Variants in USH2A observed in about 807,000 individuals in gnomAD.
USH2A encodes usherin, also known as Usher syndrome 2A (autosomal recessive, mild).
In USH2A, 443 loss-of-function variants were observed where a neutral mutation model predicts 538.9. That is an observed-to-expected ratio of 0.82 (90% CI 0.76 to 0.89). USH2A has a LOEUF of 0.89. Ranked by LOEUF, USH2A falls within the 40% of genes least tolerant of loss-of-function variation. The pLI is 0.00. For synonymous variants in USH2A, 2,413 were observed against 2,273.5 expected (o/e 1.06, Z -1.75); for missense variants, 6,633 against 6,324.8 (o/e 1.05, Z -1.65).
At chr1:215,703,210 G>A (rs953004877) in intron 61 of USH2A, among the ~76,000 whole-genome samples, 9 of 152,122 alleles carry the variant, frequency 5.9e-5, no homozygotes, top group South Asian at 2.1e-4. Flanking sequence ...GGCACCTGCC[G>A]GATGCCAGCT....
At chr1:215,764,799 T>C (rs1443193983) in intron 56 of USH2A, among the ~76,000 whole-genome samples, 2 of 152,138 alleles carry the variant, frequency 1.3e-5, no homozygotes, top group African/African-American at 2.4e-5. Flanking sequence ...ATGTGATTGC[T>C]AAGGTGTTCC....
intron 67 of USH2A, among the ~76,000 whole-genome samples, chr1:215,643,226 G>C (rs1045554248): frequency 2.0e-5 from 3 of 152,088 alleles, no homozygotes; most frequent in African/African-American, 7.2e-5. Flanking sequence ...TCAAACTCCT[G>C]ACGTCAAGTG....
intron 55 of USH2A, 112 bp downstream of exon 55, chr1:215,779,731 C>CCATAT: frequency 7.8e-7 from 1 of 1,288,478 alleles, no homozygotes; most frequent in Admixed American, 2.0e-5. Flanking sequence ...CAAGAGAACA[C>CCATAT]GTCCTTTCGA....
chr1:216,407,242 CATGTA>C (rs1558074891), intron 3 of USH2A, among the ~76,000 whole-genome samples: 1 of 152,044 alleles, frequency 6.6e-6, no homozygotes, highest in African/African-American at 2.4e-5. Context: ...AGAAGTATGT[CATGTA>C]ATCATTAGAG....
intron 32 of USH2A, among the ~76,000 whole-genome samples, chr1:216,038,730 T>C (rs1169257308): frequency 6.6e-6 from 1 of 151,998 alleles, no homozygotes; most frequent in Non-Finnish European, 1.5e-5. Flanking sequence ...TGTATTAATT[T>C]ATAACTCAAT....
chr1:215,845,657 T>C (rs1191386904), intron 45 of USH2A, among the ~76,000 whole-genome samples, 167 bp downstream of exon 45: 1 of 152,198 alleles, frequency 6.6e-6, no homozygotes, highest in Admixed American at 6.5e-5. Flanking sequence ...GGACTGCTTA[T>C]TGATCTGCTA....
At chr1:215,671,414 A>G in intron 63 of USH2A, 121 bp from the exon 64 acceptor site, 1 of 1,053,088 alleles carries the variant, frequency 9.5e-7, no homozygotes, top group Non-Finnish European at 1.4e-6. Context: ...ATTCACAGCT[A>G]ATTCTTAAGA....
intron 4 of USH2A, among the ~76,000 whole-genome samples, chr1:216,338,491 T>C (rs546594611): frequency 1.8e-4 from 28 of 151,482 alleles, no homozygotes; most frequent in Non-Finnish European, 1.2e-4. Flanking sequence ...ATATATATCA[T>C]GATAAAAGAG....
rs760251397 is a variant in USH2A at position 215,980,678 on chromosome 1, C to T, written c.6806-9902G>A. On this transcript the variant is annotated intron_variant, in intron 35 of 71. Transcript: ENST00000307340. Reference sequence around the variant, plus strand: ...CCCTTAACAACATAATTAAGTTTCTCATGGTTTTCTAACTTATATTAATAG... The same window carrying T: ...CCCTTAACAACATAATTAAGTTTCTTATGGTTTTCTAACTTATATTAATAG... Among the ~76,000 whole-genome samples, 3 of 151,996 alleles carry T rather than the reference C, an allele frequency of 2.0e-5. No individual in the cohort carries two copies. In the South Asian group the frequency reaches 6.2e-4, roughly 32 times the overall value.
chr1:216,417,481 G>A (rs1449788122), intron 3 of USH2A, among the ~76,000 whole-genome samples: 1 of 152,002 alleles, frequency 6.6e-6, no homozygotes, highest in Non-Finnish European at 1.5e-5. Flanking sequence ...CCCAGCTTTG[G>A]TGGTGGGGCC....
At chr1:215,812,141 G>A (rs1300614254) in intron 49 of USH2A, among the ~76,000 whole-genome samples, 1 of 150,100 alleles carries the variant, frequency 6.7e-6, no homozygotes, top group African/African-American at 2.4e-5. Context: ...CCTGCCACAC[G>A]CCCAGTTAAT....
At chr1:216,336,543 C>T (rs1031627837) in intron 4 of USH2A, among the ~76,000 whole-genome samples, 2 of 151,452 alleles carry the variant, frequency 1.3e-5, no homozygotes, top group Admixed American at 1.3e-4. Context: ...TTGCAAGTTG[C>T]AATATCAATA....
intron 63 of USH2A, 150 bp downstream of exon 63, chr1:215,673,950 T>G: frequency 7.4e-7 from 1 of 1,356,042 alleles, no homozygotes. Flanking sequence ...GGTGAGGATG[T>G]GCTTTGTCTA....
chr1:216,324,127 CCAAT>C lies in USH2A; in HGVS notation c.1328+37_1328+40del, dbSNP rs145313346. 0.052 allele frequency: 82,664 copies of C among 1,585,440 alleles called. 2,443 individuals carry two copies. Among genetic ancestry groups the C allele is most frequent in the Middle Eastern group, 0.11 (655 of 5,922 alleles). On this transcript the variant is annotated intron_variant, in intron 7 of 71. Coordinates refer to ENST00000307340, the MANE Select transcript of USH2A (RefSeq NM_206933.4). Reference sequence around the variant, plus strand: ...TAGCATACTTGTACATTATTAATAACCAATCAGTCTATTAAATTAATTGTTTAAA... The same window carrying C: ...TAGCATACTTGTACATTATTAATAACCAGTCTATTAAATTAATTGTTTAAA...
At chr1:216,300,642 G>A (rs1256039049) in intron 9 of USH2A, among the ~76,000 whole-genome samples, 3 of 150,802 alleles carry the variant, frequency 2.0e-5, no homozygotes, top group Non-Finnish European at 4.4e-5. Context: ...GAAGTATAGT[G>A]TTTCTTCGTT....
At chr1:215,718,494 T>C (rs996394191) in intron 61 of USH2A, among the ~76,000 whole-genome samples, 2 of 152,202 alleles carry the variant, frequency 1.3e-5, no homozygotes, top group African/African-American at 2.4e-5. Flanking sequence ...ATGTTAATGG[T>C]CTTTCAACTT....
intron 40 of USH2A, among the ~76,000 whole-genome samples, chr1:215,895,043 T>G (rs556280956): frequency 3.3e-5 from 5 of 152,330 alleles, no homozygotes; most frequent in Admixed American, 1.3e-4. Context: ...AACTCAGCTC[T>G]TTCACTCTAA....
At chr1:216,341,539 A>T (rs113991359) in intron 4 of USH2A, among the ~76,000 whole-genome samples, 2,244 of 152,236 alleles carry the variant, frequency 0.015, 18 homozygotes, top group Non-Finnish European at 0.022. Context: ...TATAGCCAAG[A>T]CAATCCTAAG....
chr1:215,942,668 G>GA (rs1184900029), intron 37 of USH2A, among the ~76,000 whole-genome samples: 2 of 151,936 alleles, frequency 1.3e-5, no homozygotes, highest in Admixed American at 1.3e-4. Context: ...AAAGGAAAAG[G>GA]AAAAAAATGA....
Sources: allele counts gnomAD v4.1 joint callset (sites outside exome capture counted in the v4.1 genomes callset), GRCh38; gene constraint gnomAD v4.1.1; transcripts MANE v1.5; gene names NCBI Gene and HGNC (gene_info 2026-07-23, HGNC 2026-07-21).